The following STPG2 variants were observed in gnomAD, a reference collection of about 807,000 sequenced individuals.
The protein encoded by STPG2 is sperm tail PG-rich repeat containing 2.
Under a neutral mutation model 54.2 loss-of-function variants are expected in STPG2, and 56 were observed. That is an observed-to-expected ratio of 1.03 (90% CI 0.83 to 1.29). STPG2 has a LOEUF of 1.29. STPG2 is among the 50% of genes most tolerant of loss of function. The pLI is 0.00. For missense variants in STPG2, 596 were observed against 544.9 expected, an observed-to-expected ratio of 1.09 and a Z score of -0.93; for synonymous variants, 200 against 181.8, an observed-to-expected ratio of 1.10 and a Z score of -0.81.
chr4:97,958,817 A>G (rs1241438887), intron 7 of STPG2, among the ~76,000 whole-genome samples: 3 of 152,222 alleles, frequency 2.0e-5, no homozygotes, highest in Non-Finnish European at 4.4e-5. Flanking sequence ...CAGGTCATCA[A>G]GACAGAAAGT....
intron 5 of STPG2, among the ~76,000 whole-genome samples, chr4:98,011,413 G>A (rs1040248795): frequency 6.6e-6 from 1 of 152,172 alleles, no homozygotes; most frequent in South Asian, 2.1e-4. Context: ...TACTGCTGCA[G>A]TAAATATATG....
At chr4:97,892,981 C>G (rs1036481988) in intron 8 of STPG2, 1 of 152,090 alleles carries the variant, frequency 6.6e-6, no homozygotes, top group African/African-American at 2.4e-5. Flanking sequence ...GAGTATTCAA[C>G]AGAGAATTAA....
At chr4:97,903,586 T>C (rs953391004) in intron 8 of STPG2, among the ~76,000 whole-genome samples, 2 of 151,926 alleles carry the variant, frequency 1.3e-5, no homozygotes, top group Non-Finnish European at 2.9e-5. Flanking sequence ...TAAGACCGAT[T>C]AACAAAAAAA....
rs183857478 is a variant in STPG2, at chr4:97,719,634, C to T, written c.1205-6820G>A. On this transcript the variant is annotated intron_variant, in intron 9 of 10. Coordinates refer to ENST00000295268, the MANE Select transcript of STPG2 (RefSeq NM_174952.3). The stretch of plus-strand genomic sequence containing the variant: ...AAACCTTCCGAAATTCTGGATGAGA[C>T]TATAATTTTCTCTGAAATATATCTG... 4.1e-3 allele frequency among the ~76,000 whole-genome samples: 626 copies of T among 152,046 alleles called. 3 individuals carry two copies. Among genetic ancestry groups the T allele is most frequent in the South Asian group, 0.02 (97 of 4,826 alleles).
intron 8 of STPG2, among the ~76,000 whole-genome samples, chr4:97,876,794 G>C (rs968311659): frequency 6.6e-6 from 1 of 151,906 alleles, no homozygotes; most frequent in Non-Finnish European, 1.5e-5. Flanking sequence ...TTATATCGAT[G>C]AGAATTTTGA....
At chr4:97,564,695 C>T (rs1453974438) in intron 10 of STPG2, among the ~76,000 whole-genome samples, 1 of 152,106 alleles carries the variant, frequency 6.6e-6, no homozygotes, top group Non-Finnish European at 1.5e-5. Context: ...ACTTATGAAG[C>T]TTAGTTTGGC....
At position 97,941,354 on chromosome 4, in the gene STPG2, T is replaced by C. The variant is rs1393978417; in HGVS notation, c.1044+2543A>G. Among the ~76,000 whole-genome samples, 3 of 152,136 alleles carry C rather than the reference T, an allele frequency of 2.0e-5. No homozygotes were observed. In the East Asian group the frequency reaches 5.8e-4, roughly 29 times the overall value. Reference sequence around the variant, plus strand: ...TTAAGCTCCTCAAATCAGTAACTTATGTTTTTATTCAGCTTGAAACAACTT... The same window carrying C: ...TTAAGCTCCTCAAATCAGTAACTTACGTTTTTATTCAGCTTGAAACAACTT... On this transcript the variant is annotated intron_variant, in intron 8 of 10. Coordinates refer to ENST00000295268, the MANE Select transcript of STPG2 (RefSeq NM_174952.3).
At chr4:97,745,256 A>C (rs200930189) in intron 9 of STPG2, among the ~76,000 whole-genome samples, 2 of 95,500 alleles carry the variant, frequency 2.1e-5, no homozygotes, top group Non-Finnish European at 4.3e-5. Context: ...AAAAAAAAAC[A>C]AAAAAACAAA....
chr4:97,820,300 T>A (rs962186769), intron 9 of STPG2, among the ~76,000 whole-genome samples: 1 of 152,066 alleles, frequency 6.6e-6, no homozygotes. Context: ...CCCTCCAGCC[T>A]CTCTATTCCA....
At chr4:97,603,813 T>C (rs2148908941) in intron 10 of STPG2, among the ~76,000 whole-genome samples, 1 of 151,676 alleles carries the variant, frequency 6.6e-6, no homozygotes, top group Non-Finnish European at 1.5e-5. Flanking sequence ...AGTAGAATGG[T>C]GATTGCCACA....
chr4:98,081,751 A>G (rs994147506), intron 5 of STPG2, among the ~76,000 whole-genome samples: 4 of 152,178 alleles, frequency 2.6e-5, no homozygotes, highest in African/African-American at 9.7e-5. Flanking sequence ...AAACATTTCA[A>G]TCTTGAGGAT....
At chr4:97,521,065 T>C (rs908421492) in intron 4 of STPG2, among the ~76,000 whole-genome samples, 1 of 152,056 alleles carries the variant, frequency 6.6e-6, no homozygotes, top group Admixed American at 6.6e-5. Context: ...TTATAATATG[T>C]ACATTCTGAT....
chr4:98,074,721 T>C (rs538797513), intron 5 of STPG2, among the ~76,000 whole-genome samples: 1 of 152,364 alleles, frequency 6.6e-6, no homozygotes, highest in East Asian at 1.9e-4. Context: ...TCTAATCTTT[T>C]GTTAAAACCA....
chr4:97,909,226 T>A (rs566417901), intron 8 of STPG2, among the ~76,000 whole-genome samples: 1 of 151,794 alleles, frequency 6.6e-6, no homozygotes, highest in Non-Finnish European at 1.5e-5. Context: ...AAGCACATTA[T>A]GAACAACTTT....
At chr4:97,473,408 C>T (rs1321910906) in intron 4 of STPG2, among the ~76,000 whole-genome samples, 10 of 152,090 alleles carry the variant, frequency 6.6e-5, no homozygotes, top group Admixed American at 2.6e-4. Flanking sequence ...CTTCTATGGT[C>T]GAAACCGTAG....
chr4:97,647,270 T>C (rs1191459839), intron 10 of STPG2, among the ~76,000 whole-genome samples: 1 of 152,152 alleles, frequency 6.6e-6, no homozygotes, highest in Non-Finnish European at 1.5e-5. Context: ...TTCAGTTTCC[T>C]TTCCTGTTGA....
Position 97,465,860 on chromosome 4 carries a change from A to T in STPG2, c.462+246839T>A, listed in dbSNP as rs115359013. 1.8e-3 allele frequency among the ~76,000 whole-genome samples: 280 copies of T among 152,134 alleles called. 1 individual carries two copies. The highest frequency in any genetic ancestry group is 6.4e-3 in the African/African-American group (267 of 41,526). ...TGGTTGGTGAAATCTGTGGATAAGG[A>T]ACCCACAGAGACAGAGGGTGAACTG... On this transcript the variant is annotated intron_variant, in intron 4 of 4. Transcript: ENST00000522676.
intron 7 of STPG2, among the ~76,000 whole-genome samples, chr4:97,954,813 C>A (rs1733611493): frequency 6.6e-6 from 1 of 151,762 alleles, no homozygotes; most frequent in South Asian, 2.1e-4. Context: ...CAGTATCTGG[C>A]AAGCTATTAA....
chr4:97,879,247 C>A (rs1421454166), intron 8 of STPG2, among the ~76,000 whole-genome samples: 2 of 152,228 alleles, frequency 1.3e-5, no homozygotes, highest in Non-Finnish European at 2.9e-5. Context: ...CCAACCTCTG[C>A]CTGTTACCCA....
Sources: allele counts gnomAD v4.1 joint callset (sites outside exome capture counted in the v4.1 genomes callset), GRCh38; gene constraint gnomAD v4.1.1; transcripts MANE v1.5; gene names NCBI Gene and HGNC (gene_info 2026-07-23, HGNC 2026-07-21).